The following SUPT3H variants were observed in gnomAD, a reference collection of about 807,000 sequenced individuals.
The protein encoded by SUPT3H is transcription initiation protein SPT3 homolog.
Under a neutral mutation model 44.3 loss-of-function variants are expected in SUPT3H, and 44 were observed. The observed-to-expected ratio is 0.99, with a 90% CI of 0.78 to 1.28. The LOEUF is 1.28. SUPT3H is among the 50% of genes most tolerant of loss of function. SUPT3H has a pLI of 0.00. For missense variants in SUPT3H, 380 were observed against 387.1 expected, an observed-to-expected ratio of 0.98 and a Z score of 0.15; for synonymous variants, 124 against 125.6, an observed-to-expected ratio of 0.99 and a Z score of 0.09.
intron 6 of SUPT3H, among the ~76,000 whole-genome samples, chr6:44,998,125 C>T (rs1056329678): frequency 1.3e-5 from 2 of 151,712 alleles, no homozygotes; most frequent in African/African-American, 4.8e-5. Flanking sequence ...GTTATGCTTG[C>T]TTTTTAAAAT....
intron 10 of SUPT3H, among the ~76,000 whole-genome samples, chr6:44,910,878 C>A (rs1030203016): frequency 6.6e-6 from 1 of 151,050 alleles, no homozygotes; most frequent in South Asian, 2.1e-4. Flanking sequence ...GCCTATACTC[C>A]CAGCCACTCG....
At chr6:45,162,265 G>A (rs1429618099) in intron 2 of SUPT3H, among the ~76,000 whole-genome samples, 2 of 152,092 alleles carry the variant, frequency 1.3e-5, no homozygotes, top group Non-Finnish European at 2.9e-5. Context: ...TGTAGTGCTT[G>A]TAATCCCAGT....
At chr6:45,246,250 T>G (rs2153649885) in intron 2 of SUPT3H, among the ~76,000 whole-genome samples, 1 of 152,278 alleles carries the variant, frequency 6.6e-6, no homozygotes, top group South Asian at 2.1e-4. Context: ...CAGCGTCCTT[T>G]GATGCACAAA....
intron 10 of SUPT3H, among the ~76,000 whole-genome samples, chr6:44,889,299 G>C (rs141098557): frequency 1.3e-5 from 2 of 152,084 alleles, no homozygotes; most frequent in African/African-American, 4.8e-5. Context: ...AACAGAGCCC[G>C]CATCACCAAG....
intron 5 of SUPT3H, 147 bp downstream of exon 5, chr6:45,014,654 T>C: frequency 4.3e-6 from 2 of 462,580 alleles, no homozygotes; most frequent in South Asian, 5.4e-5. Context: ...ATCAGAAATA[T>C]ATACTTTTGC....
chr6:45,014,152 G>GT (rs531788134), intron 5 of SUPT3H, among the ~76,000 whole-genome samples: 166 of 148,076 alleles, frequency 1.1e-3, no homozygotes, highest in East Asian at 2.8e-3. Context: ...TCTATCAACT[G>GT]TTTTTTTTTT....
At chr6:44,856,996 T>C (rs1021682326) in intron 10 of SUPT3H, among the ~76,000 whole-genome samples, 4 of 152,194 alleles carry the variant, frequency 2.6e-5, no homozygotes, top group East Asian at 1.9e-4. Context: ...GGGAAAGATA[T>C]ACATTTCAAT....
chr6:45,034,125 T>C (rs1350014952), intron 3 of SUPT3H, among the ~76,000 whole-genome samples: 2 of 152,114 alleles, frequency 1.3e-5, no homozygotes, highest in Non-Finnish European at 2.9e-5. Context: ...ACCAGGGAGA[T>C]TGTGGTGCCT....
intron 6 of SUPT3H, among the ~76,000 whole-genome samples, chr6:44,974,957 G>T (rs886714088): frequency 6.6e-6 from 1 of 152,150 alleles, no homozygotes; most frequent in Non-Finnish European, 1.5e-5. Flanking sequence ...GATCACCTGA[G>T]GTCAGGAGTT....
In SUPT3H at chr6:45,355,079, A is replaced by G. The variant is rs565435781; in HGVS notation, c.101+10122T>C. On this transcript the variant is annotated intron_variant, in intron 2 of 10. Transcript: ENST00000371459. ...AGACTCAACCACTTGGGCTTAAGCAATCCTTCCACCTCAGCCTCCCAAGCA... is the reference window on the plus strand; with the variant it reads ...AGACTCAACCACTTGGGCTTAAGCAGTCCTTCCACCTCAGCCTCCCAAGCA... Among the ~76,000 whole-genome samples the G allele has an allele frequency of 4.0e-5, 6 of 151,832 alleles. No individual in the cohort carries two copies. In the East Asian group the frequency reaches 1.2e-3, roughly 30 times the overall value.
At chr6:45,262,218 A>C (rs529409424) in intron 2 of SUPT3H, among the ~76,000 whole-genome samples, 2 of 152,304 alleles carry the variant, frequency 1.3e-5, no homozygotes, top group Non-Finnish European at 1.5e-5. Context: ...GAATTTTTTA[A>C]ACTATTCTAA....
intron 6 of SUPT3H, among the ~76,000 whole-genome samples, chr6:44,989,692 T>A (rs1000298662): frequency 1.5e-4 from 23 of 152,240 alleles, no homozygotes; most frequent in Middle Eastern, 3.4e-3. Flanking sequence ...AAGGCCATCC[T>A]AATAGGTGTG....
chr6:45,184,328 C>T (rs992233152), intron 2 of SUPT3H, among the ~76,000 whole-genome samples: 1 of 152,054 alleles, frequency 6.6e-6, no homozygotes, highest in Non-Finnish European at 1.5e-5. Context: ...AGACAAAGCA[C>T]TCCTTTTTTT....
intron 2 of SUPT3H, among the ~76,000 whole-genome samples, chr6:45,203,288 C>A (rs1459481062): frequency 6.6e-6 from 1 of 152,116 alleles, no homozygotes; most frequent in African/African-American, 2.4e-5. Flanking sequence ...ATTTACCCAA[C>A]TGTTCAGGTC....
At chr6:45,254,856 G>A (rs1234040327) in intron 2 of SUPT3H, among the ~76,000 whole-genome samples, 1 of 152,000 alleles carries the variant, frequency 6.6e-6, no homozygotes, top group Admixed American at 6.6e-5. Context: ...GTGCCATTCG[G>A]AGCAGCATAA....
intron 6 of SUPT3H, among the ~76,000 whole-genome samples, chr6:44,993,339 G>C (rs1201345272): frequency 6.6e-6 from 1 of 151,960 alleles, no homozygotes; most frequent in African/African-American, 2.4e-5. Context: ...CTTCAAATTG[G>C]ATATAGTAAG....
At chr6:45,114,714 A>G (rs1181192280) in intron 2 of SUPT3H, among the ~76,000 whole-genome samples, 2 of 152,188 alleles carry the variant, frequency 1.3e-5, no homozygotes, top group Non-Finnish European at 2.9e-5. Context: ...TCCCATCTTC[A>G]AACTCTTAAT....
intron 3 of SUPT3H, among the ~76,000 whole-genome samples, chr6:45,077,830 G>A (rs1017748338): frequency 1.5e-4 from 23 of 151,792 alleles, no homozygotes; most frequent in African/African-American, 4.6e-4. Flanking sequence ...AAAATTTCAA[G>A]AAGTTTTAAA....
At chr6:45,336,356 C>A (rs1026299873) in intron 2 of SUPT3H, among the ~76,000 whole-genome samples, 2 of 151,238 alleles carry the variant, frequency 1.3e-5, no homozygotes, top group Non-Finnish European at 3.0e-5. Flanking sequence ...TTTTGTACAC[C>A]AATAGGACTA....
Sources: gnomAD v4.1 joint callset for allele counts (sites outside exome capture counted in the v4.1 genomes callset) on GRCh38, gnomAD v4.1.1 for gene constraint, MANE v1.5 for transcripts, NCBI Gene and HGNC (gene_info 2026-07-23, HGNC 2026-07-21) for gene names.